The following MBD2 variants were observed in gnomAD, a reference collection of about 807,000 sequenced individuals.
MBD2 encodes methyl-CpG binding domain protein 2, also known as methyl-CpG-binding domain protein 2.
A neutral mutation model predicts 39.3 loss-of-function variants in MBD2; 9 were observed. The ratio of observed to expected loss-of-function variants is 0.23; its 90% confidence interval spans 0.14 to 0.40. MBD2 has a LOEUF of 0.40. Ranked by LOEUF, MBD2 falls within the 10% of genes least tolerant of loss-of-function variation. The pLI is 1.00. For missense variants in MBD2, 458 were observed against 532.6 expected (o/e 0.86, Z 1.38); for synonymous variants, 233 against 211.1 (o/e 1.10, Z -0.90).
chr18:54,178,140 C>G (rs971966536), intron 3 of MBD2, among the ~76,000 whole-genome samples: 4 of 152,060 alleles, frequency 2.6e-5, no homozygotes, highest in African/African-American at 9.7e-5. Flanking sequence ...CCATGCCCAG[C>G]CGTTCTTCCT....
chr18:54,180,903 C>CTTTTTTT (rs1189903798), intron 3 of MBD2, among the ~76,000 whole-genome samples: 39 of 49,858 alleles, frequency 7.8e-4, no homozygotes, highest in African/African-American at 9.6e-4. Context: ...TTTTCTTTTT[C>CTTTTTTT]TTTTTTTTTT....
chr18:54,213,236 C>T (rs372389459), intron 1 of MBD2, among the ~76,000 whole-genome samples: 11 of 152,266 alleles, frequency 7.2e-5, no homozygotes, highest in Middle Eastern at 3.4e-3. Context: ...CAGCAGGAGA[C>T]GAGCATTACA....
intron 1 of MBD2, among the ~76,000 whole-genome samples, chr18:54,217,435 T>C (rs1234283200): frequency 6.6e-6 from 1 of 152,204 alleles, no homozygotes; most frequent in Admixed American, 6.5e-5. Context: ...TTCCTAATCG[T>C]TTCTCACTGG....
At chr18:54,158,126 A>G (rs551544715) in intron 6 of MBD2, among the ~76,000 whole-genome samples, 1 of 152,176 alleles carries the variant, frequency 6.6e-6, no homozygotes, top group South Asian at 2.1e-4. Context: ...GATCAATCTC[A>G]AGTGGTCATC....
At chr18:54,161,521 T>G (rs2086098174) in intron 5 of MBD2, among the ~76,000 whole-genome samples, 1 of 152,108 alleles carries the variant, frequency 6.6e-6, no homozygotes, top group Non-Finnish European at 1.5e-5. Context: ...CTAATAAGAG[T>G]ACAAGAATCT....
chr18:54,178,528 G>C (rs1483760246), intron 3 of MBD2, among the ~76,000 whole-genome samples: 1 of 151,832 alleles, frequency 6.6e-6, no homozygotes, highest in East Asian at 1.9e-4. Flanking sequence ...TAAAAAGAAA[G>C]TGCAAAGAAA....
intron 1 of MBD2, chr18:54,222,470 C>T (rs2086624010): frequency 2.3e-6 from 1 of 427,026 alleles, no homozygotes; most frequent in African/African-American, 2.1e-5. Context: ...CAAACCAAGA[C>T]TATCACACTT....
At chr18:54,156,338 C>G (rs1161117874) in intron 6 of MBD2, among the ~76,000 whole-genome samples, 2 of 152,164 alleles carry the variant, frequency 1.3e-5, no homozygotes, top group Admixed American at 1.3e-4. Context: ...TAATTTGAAT[C>G]TCTCCCTACC....
chr18:54,194,172 ATATTT>A (rs2144316783), intron 2 of MBD2, among the ~76,000 whole-genome samples: 1 of 152,200 alleles, frequency 6.6e-6, no homozygotes, highest in East Asian at 1.9e-4. Flanking sequence ...AGAATATTTC[ATATTT>A]TAATGTAATC....
At chr18:54,223,802 A>G (rs556938228) in intron 1 of MBD2, among the ~76,000 whole-genome samples, 34 of 152,164 alleles carry the variant, frequency 2.2e-4, no homozygotes, top group African/African-American at 7.5e-4. Context: ...CGCCTTCCAC[A>G]TAAGATGCCC....
intron 1 of MBD2, among the ~76,000 whole-genome samples, chr18:54,220,524 C>T (rs1283164807): frequency 2.0e-5 from 3 of 152,190 alleles, no homozygotes; most frequent in Admixed American, 6.5e-5. Context: ...GCCTGCCACA[C>T]CCTACATTAA....
chr18:54,203,272 C>A (rs901753191), intron 2 of MBD2: 16 of 819,206 alleles, frequency 2.0e-5, no homozygotes, highest in Non-Finnish European at 2.8e-5. Context: ...ATACTGAAGC[C>A]CCTTTTATAG....
chr18:54,194,971 T>C (rs2086353835), intron 2 of MBD2, among the ~76,000 whole-genome samples: 1 of 152,058 alleles, frequency 6.6e-6, no homozygotes, highest in Non-Finnish European at 1.5e-5. Flanking sequence ...TGTACCATGG[T>C]AATATTGCAT....
chr18:54,187,506 A>G (rs1672310349), intron 3 of MBD2, among the ~76,000 whole-genome samples: 1 of 152,236 alleles, frequency 6.6e-6, no homozygotes, highest in African/African-American at 2.4e-5. Context: ...CAAGGTGGGC[A>G]AAGTTCAGAA....
chr18:54,188,220 G>A (rs534749730), intron 3 of MBD2, among the ~76,000 whole-genome samples: 33 of 152,278 alleles, frequency 2.2e-4, no homozygotes, highest in African/African-American at 6.3e-4. Context: ...GTAAGGTTAC[G>A]TGGAAGGTTT....
intron 3 of MBD2, among the ~76,000 whole-genome samples, chr18:54,180,897 CTTTTTCT>C (rs1333376229): frequency 1.1e-4 from 12 of 105,360 alleles, no homozygotes; most frequent in East Asian, 3.0e-4. Context: ...TTAATTTTTT[CTTTTTCT>C]TTTTTTTTTT....
At chr18:54,220,411 G>A (rs190840944) in intron 1 of MBD2, among the ~76,000 whole-genome samples, 2 of 151,986 alleles carry the variant, frequency 1.3e-5, no homozygotes, top group African/African-American at 2.4e-5. Context: ...CTAGGGGCAC[G>A]CCTTCCTATT....
Position 54,187,630 on chromosome 18 carries a change from T to A in MBD2, c.840+1244A>T, listed in dbSNP as rs1046966673. ...GAAAAGCCTCACACAGAAAGCTGAA[T>A]GGCCCAAAGAAAACCTAAGTGGTGA... On this transcript the variant is annotated intron_variant, in intron 3 of 6. Transcript: ENST00000256429. The A allele has an allele frequency of 3.2e-6, 3 of 947,932 alleles. No individual in the cohort carries two copies. The African/African-American group carries it at 5.3e-5, about 17-fold the overall frequency. 58.7% of individuals were successfully genotyped at this position (947,932 alleles called of 1,614,324 possible).
At chr18:54,169,302 C>T (rs890703367) in intron 3 of MBD2, among the ~76,000 whole-genome samples, 6 of 152,210 alleles carry the variant, frequency 3.9e-5, no homozygotes, top group Non-Finnish European at 7.3e-5. Flanking sequence ...TATTAGCCCA[C>T]CCCCTTTCTA....
Sources: allele counts gnomAD v4.1 joint callset (sites outside exome capture counted in the v4.1 genomes callset), GRCh38; gene constraint gnomAD v4.1.1; transcripts MANE v1.5; gene names NCBI Gene and HGNC (gene_info 2026-07-23, HGNC 2026-07-21).